The following SPOCK3 variants were observed in gnomAD, a reference collection of about 807,000 sequenced individuals.
The protein encoded by SPOCK3 is SPARC (osteonectin), cwcv and kazal like domains proteoglycan 3, also known as testican-3.
In SPOCK3, 30 loss-of-function variants were observed where a neutral mutation model predicts 56.6. The ratio of observed to expected loss-of-function variants is 0.53; its 90% CI spans 0.40 to 0.72. The LOEUF is 0.72. Ranked by LOEUF, SPOCK3 falls within the 30% of genes least tolerant of loss-of-function variation. The probability of loss-of-function intolerance (pLI) is 0.00; values close to 1 mark genes in which losing one functional copy is unlikely to be tolerated. For missense variants in SPOCK3, 527 were observed against 530.0 expected (o/e 0.99, Z 0.06); for synonymous variants, 196 against 183.3 (o/e 1.07, Z -0.56).
intron 4 of SPOCK3, among the ~76,000 whole-genome samples, chr4:166,925,216 A>G (rs1738949139): frequency 6.6e-6 from 1 of 152,192 alleles, no homozygotes; most frequent in Admixed American, 6.5e-5. Flanking sequence ...ATATAATGTA[A>G]TGTATCACTA....
At chr4:167,142,201 T>C (rs554923848) in intron 2 of SPOCK3, among the ~76,000 whole-genome samples, 42 of 151,862 alleles carry the variant, frequency 2.8e-4, no homozygotes, top group African/African-American at 9.7e-4. Flanking sequence ...CCCCAAGCAA[T>C]ATGAGCAAGT....
At chr4:167,148,893 A>G (rs889624607) in intron 2 of SPOCK3, among the ~76,000 whole-genome samples, 2 of 152,164 alleles carry the variant, frequency 1.3e-5, no homozygotes, top group Non-Finnish European at 2.9e-5. Flanking sequence ...AAAATTTGGA[A>G]CATTATTTTA....
intron 4 of SPOCK3, among the ~76,000 whole-genome samples, chr4:166,977,109 T>C (rs1027280165): frequency 1.8e-4 from 28 of 152,092 alleles, no homozygotes; most frequent in Admixed American, 3.3e-4. Context: ...TTCTTCTTTA[T>C]GTCTTTAATG....
chr4:166,775,020 T>C (rs1435082367), intron 7 of SPOCK3, among the ~76,000 whole-genome samples: 2 of 152,182 alleles, frequency 1.3e-5, no homozygotes, highest in African/African-American at 2.4e-5. Context: ...GGGAGGGACA[T>C]CTTTAGAATT....
At chr4:167,125,468 C>CT (rs1436669529) in intron 2 of SPOCK3, among the ~76,000 whole-genome samples, 1 of 149,558 alleles carries the variant, frequency 6.7e-6, no homozygotes, top group Non-Finnish European at 1.5e-5. Flanking sequence ...AATCCCAGCA[C>CT]TTTGGGAGGC....
intron 4 of SPOCK3, among the ~76,000 whole-genome samples, chr4:166,949,737 T>G (rs1742284538): frequency 6.6e-6 from 1 of 152,212 alleles, no homozygotes; most frequent in East Asian, 1.9e-4. Flanking sequence ...GTGTGAAGTG[T>G]CAGTCTGCCC....
intron 4 of SPOCK3, among the ~76,000 whole-genome samples, chr4:166,921,709 T>C (rs1738508068): frequency 6.6e-6 from 1 of 152,224 alleles, no homozygotes; most frequent in South Asian, 2.1e-4. Flanking sequence ...TACTTTGTAC[T>C]ATATATTAAA....
Position 166,734,178 on chromosome 4 carries a change from C to CT in SPOCK3, c.*742dup, listed in dbSNP as rs1371843487. The CT allele has an allele frequency of 1.3e-5, 2 of 151,802 alleles. No homozygotes were observed. The highest frequency in any genetic ancestry group is 4.8e-5 in the African/African-American group (2 of 41,412). The allele number at this position is 151,802 out of a possible 1,614,324, so 9.4% of individuals were successfully genotyped here. On this transcript the variant is annotated 3_prime_UTR_variant, in exon 11 of 11. Transcript: ENST00000357545. ...TTGCTGGTCAGAAAGATAAAGAAATCTAGAAAGGCAAACAAATCATGTTAT... is the reference window on the plus strand; with the variant it reads ...TTGCTGGTCAGAAAGATAAAGAAATCTTAGAAAGGCAAACAAATCATGTTAT...
At chr4:166,774,648 A>G (rs1201455514) in intron 7 of SPOCK3, among the ~76,000 whole-genome samples, 1 of 152,160 alleles carries the variant, frequency 6.6e-6, no homozygotes, top group Non-Finnish European at 1.5e-5. Context: ...ACAACAAATA[A>G]GTAAGCAGAT....
chr4:166,971,006 C>T (rs771843576), intron 4 of SPOCK3, among the ~76,000 whole-genome samples: 3 of 152,074 alleles, frequency 2.0e-5, no homozygotes, highest in Non-Finnish European at 2.9e-5. Flanking sequence ...GGATTATAGG[C>T]GCATACCAGC....
In SPOCK3 at chr4:167,109,092, AATATT is replaced by A. The variant is rs1561224277; in HGVS notation, c.190-46560_190-46556del. ...ATATATTTATATAAAAATATATATA[AATATT>A]ATATATTTATATAAAAATATATATA... On this transcript the variant is annotated intron_variant, in intron 2 of 10. Coordinates refer to ENST00000357545, the MANE Select transcript of SPOCK3 (RefSeq NM_001040159.2). Among the ~76,000 whole-genome samples, 2 of 13,920 alleles carry A rather than the reference AATATT, an allele frequency of 1.4e-4. 1 individual carries two copies. Among genetic ancestry groups the A allele is most frequent in the Non-Finnish European group, 2.3e-4 (2 of 8,636 alleles). 9.1% of individuals were successfully genotyped at this position (13,920 alleles called of 152,430 possible).
At chr4:166,899,875 G>T (rs144748180) in intron 5 of SPOCK3, among the ~76,000 whole-genome samples, 11 of 152,268 alleles carry the variant, frequency 7.2e-5, no homozygotes, top group African/African-American at 2.6e-4. Context: ...CTCTCTAACA[G>T]TGAAGAAAAA....
intron 3 of SPOCK3, among the ~76,000 whole-genome samples, chr4:167,009,188 T>TA (rs915585056): frequency 3.6e-4 from 54 of 151,980 alleles, no homozygotes; most frequent in African/African-American, 1.3e-3. Flanking sequence ...CAAAATAACT[T>TA]AAAAAAATAC....
At chr4:167,178,163 C>G (rs1014072132) in intron 2 of SPOCK3, among the ~76,000 whole-genome samples, 1 of 152,124 alleles carries the variant, frequency 6.6e-6, no homozygotes, top group Non-Finnish European at 1.5e-5. Flanking sequence ...GAGCTCACCA[C>G]AAAGATCTTC....
chr4:166,958,116 TG>T (rs1743712411), intron 4 of SPOCK3, among the ~76,000 whole-genome samples: 1 of 152,112 alleles, frequency 6.6e-6, no homozygotes, highest in Non-Finnish European at 1.5e-5. Flanking sequence ...GATTGGACCA[TG>T]GGGGTGGATT....
At chr4:167,159,842 C>T (rs1337412827) in intron 2 of SPOCK3, among the ~76,000 whole-genome samples, 5 of 152,000 alleles carry the variant, frequency 3.3e-5, no homozygotes, top group African/African-American at 7.2e-5. Flanking sequence ...ATTCAACATC[C>T]CTTCATGCTA....
chr4:167,232,686 A>T (rs1361529850), intron 2 of SPOCK3, among the ~76,000 whole-genome samples: 2 of 152,228 alleles, frequency 1.3e-5, no homozygotes, highest in Non-Finnish European at 2.9e-5. Context: ...GCATTTATTT[A>T]GCAATAAAAT....
intron 6 of SPOCK3, among the ~76,000 whole-genome samples, chr4:166,856,698 C>T (rs575347870): frequency 5.5e-4 from 83 of 152,014 alleles, no homozygotes; most frequent in Non-Finnish European, 9.0e-4. Flanking sequence ...TGCTTGAACC[C>T]GGGAGGCGGA....
chr4:167,028,235 T>TA (rs34605173), intron 3 of SPOCK3, among the ~76,000 whole-genome samples: 3,684 of 151,352 alleles, frequency 0.024, 62 homozygotes, highest in African/African-American at 0.043. Context: ...TTTTTTTTTT[T>TA]AATTCCAAGC....
Sources: allele counts gnomAD v4.1 joint callset (sites outside exome capture counted in the v4.1 genomes callset), GRCh38; gene constraint gnomAD v4.1.1; transcripts MANE v1.5; gene names NCBI Gene and HGNC (gene_info 2026-07-23, HGNC 2026-07-21).